TLN2: variants seen among roughly 807,000 people sequenced by gnomAD.
TLN2 encodes the protein talin 2, also known as talin-2.
Under a neutral mutation model 294.7 loss-of-function variants are expected in TLN2, and 118 were observed. The ratio of observed to expected loss-of-function variants is 0.40; its 90% CI spans 0.34 to 0.47. The LOEUF is 0.47. Ranked by LOEUF, TLN2 falls within the 20% of genes least tolerant of loss-of-function variation. The pLI is 0.84. For synonymous variants in TLN2, 1,431 were observed against 1,304.5 expected (o/e 1.10, Z -2.09); for missense variants, 3,083 against 3,282.2 (o/e 0.94, Z 1.48).
Position 62,800,418 on chromosome 15 carries a change from C to G in TLN2, c.6285C>G (p.Leu2095=). The part of the protein sequence containing the change: ...IKDVAKALSD[L]ISATKGAASK... ...ATGTGGCCAAGGCCCTTTCTGATCT[C>G]ATCAGTGCTACCAAGGGAGCTGCCA... Residue 2095 remains leucine, a synonymous_variant, in exon 49 of 59, where the codon CTC becomes CTG. Transcript: ENST00000636159. 1 of 1,614,226 alleles carries G rather than the reference C, an allele frequency of 6.2e-7. No homozygotes were observed. The highest frequency in any genetic ancestry group is 8.5e-7 in the Non-Finnish European group (1 of 1,180,044).
intron 44 of TLN2, among the ~76,000 whole-genome samples, chr15:62,781,752 GAAA>G (rs928064149): frequency 6.7e-6 from 1 of 150,278 alleles, no homozygotes; most frequent in Non-Finnish European, 1.5e-5. Flanking sequence ...TATGTAATAA[GAAA>G]AAAAAAATTC....
intron 3 of TLN2, among the ~76,000 whole-genome samples, chr15:62,635,298 A>G (rs1418884150): frequency 6.6e-6 from 1 of 152,046 alleles, no homozygotes; most frequent in African/African-American, 2.4e-5. Flanking sequence ...AGAGGTTTCA[A>G]AAAAAAATCC....
intron 39 of TLN2, 30 bp from the exon 40 acceptor site, chr15:62,763,533 C>A (rs750696925): frequency 1.0e-5 from 16 of 1,581,718 alleles, no homozygotes; most frequent in Admixed American, 3.4e-5. Flanking sequence ...CCCCATGGAG[C>A]CTGTGTCCAA....
At chr15:62,697,637 C>T (rs1370017837) in intron 14 of TLN2, 51 bp from the exon 15 acceptor site, 2 of 1,546,912 alleles carry the variant, frequency 1.3e-6, no homozygotes. Flanking sequence ...CTCCTCATTG[C>T]ACTCCACATG....
chr15:62,796,701 C>CT (rs1356302771), intron 47 of TLN2, among the ~76,000 whole-genome samples: 7 of 152,190 alleles, frequency 4.6e-5, no homozygotes, highest in African/African-American at 1.7e-4. Context: ...CTCAGCCTCT[C>CT]TATCTGCTGC....
At chr15:62,793,794 C>A (rs2065250906) in intron 46 of TLN2, among the ~76,000 whole-genome samples, 1 of 141,554 alleles carries the variant, frequency 7.1e-6, no homozygotes, top group South Asian at 2.3e-4. Flanking sequence ...TCCCTTAACT[C>A]TGGTTCATAG....
intron 32 of TLN2, 120 bp from the exon 33 acceptor site, chr15:62,748,231 C>T: frequency 1.3e-6 from 1 of 743,900 alleles, no homozygotes; most frequent in Non-Finnish European, 2.2e-6. Context: ...CAGAAGAGTT[C>T]TCCTGGGGAC....
At chr15:62,517,001 A>G (rs2040222549) in intron 1 of TLN2, among the ~76,000 whole-genome samples, 1 of 152,180 alleles carries the variant, frequency 6.6e-6, no homozygotes, top group African/African-American at 2.4e-5. Context: ...GATTGAAGAT[A>G]TTGCTGCTCC....
At chr15:62,400,046 G>A (rs372963821) in intron 1 of TLN2, among the ~76,000 whole-genome samples, 1 of 152,342 alleles carries the variant, frequency 6.6e-6, no homozygotes, top group East Asian at 1.9e-4. Context: ...CCACAGCAGT[G>A]GGAGGTTATT....
At position 62,688,933 on chromosome 15, in the gene TLN2, G is replaced by A. The variant is rs141926856; in HGVS notation, c.1113+2137G>A. Among the ~76,000 whole-genome samples the A allele has an allele frequency of 4.1e-4, 63 of 151,854 alleles. No homozygotes were observed. The East Asian group carries it at 8.3e-3, about 20-fold the overall frequency. On this transcript the variant is annotated intron_variant, in intron 12 of 58. Transcript: ENST00000636159. ...TCTTGTAGAGAGCATAATTAGTTGG[G>A]TTATATTTTTTTAATCCATTCTATC...
At chr15:62,608,403 G>T (rs1010237123) in intron 2 of TLN2, among the ~76,000 whole-genome samples, 1 of 152,180 alleles carries the variant, frequency 6.6e-6, no homozygotes, top group African/African-American at 2.4e-5. Flanking sequence ...AAGTCCACTG[G>T]CTGGGATGTG....
At chr15:62,689,761 T>C (rs186544566) in intron 12 of TLN2, among the ~76,000 whole-genome samples, 1 of 149,884 alleles carries the variant, frequency 6.7e-6, no homozygotes, top group Admixed American at 6.7e-5. Context: ...CAAGTTGGTG[T>C]CAATTTGTAG....
chr15:62,534,220 A>G (rs1319568957), intron 1 of TLN2, among the ~76,000 whole-genome samples: 1 of 152,046 alleles, frequency 6.6e-6, no homozygotes, highest in Non-Finnish European at 1.5e-5. Flanking sequence ...GGTATCCTCT[A>G]ATTCAATTCT....
intron 1 of TLN2, among the ~76,000 whole-genome samples, chr15:62,499,953 CA>C (rs149847382): frequency 2.2e-4 from 33 of 151,558 alleles, no homozygotes; most frequent in Admixed American, 5.3e-4. Flanking sequence ...AACAAACAAA[CA>C]AAAAAAACAG....
At chr15:62,698,644 C>T in intron 15 of TLN2, 110 bp from the exon 16 acceptor site, 2 of 810,120 alleles carry the variant, frequency 2.5e-6, no homozygotes, top group East Asian at 2.6e-5. Flanking sequence ...GAGATGTAGC[C>T]TGGGCTGCTT....
intron 2 of TLN2, among the ~76,000 whole-genome samples, chr15:62,610,452 G>A (rs1013893264): frequency 3.3e-5 from 5 of 152,094 alleles, no homozygotes; most frequent in African/African-American, 1.2e-4. Context: ...TGAATTCATG[G>A]CCACCAGCCT....
intron 1 of TLN2, among the ~76,000 whole-genome samples, chr15:62,407,494 C>G (rs1447464311): frequency 6.6e-6 from 1 of 152,094 alleles, no homozygotes; most frequent in Non-Finnish European, 1.5e-5. Context: ...TCAGTGCATT[C>G]AAAGATATGA....
At chr15:62,628,554 C>G (rs1362776651) in intron 3 of TLN2, among the ~76,000 whole-genome samples, 1 of 152,224 alleles carries the variant, frequency 6.6e-6, no homozygotes, top group African/African-American at 2.4e-5. Context: ...AGACATTTTT[C>G]ATAGAAAGAT....
intron 54 of TLN2, chr15:62,829,149 T>TA (rs2068508199): frequency 2.1e-5 from 1 of 46,522 alleles, no homozygotes; most frequent in Non-Finnish European, 4.0e-5. Flanking sequence ...ACATAGTAGG[T>TA]ATATATATAT....
Sources: allele counts gnomAD v4.1 joint callset (sites outside exome capture counted in the v4.1 genomes callset), GRCh38; gene constraint gnomAD v4.1.1; transcripts MANE v1.5; gene names NCBI Gene and HGNC (gene_info 2026-07-23, HGNC 2026-07-21).